FAM118A: variants seen among roughly 807,000 people sequenced by gnomAD.
FAM118A encodes SIR2 antiphage like 2, also known as protein FAM118A.
A neutral mutation model predicts 38.2 loss-of-function variants in FAM118A; 25 were observed. That is an observed-to-expected ratio of 0.65 (90% CI 0.48 to 0.91). The LOEUF (loss-of-function observed/expected upper bound fraction) is 0.91. Ranked by LOEUF, FAM118A falls within the 40% of genes least tolerant of loss-of-function variation. The probability of loss-of-function intolerance (pLI) is 0.00; values close to 1 mark genes in which losing one functional copy is unlikely to be tolerated. For synonymous variants in FAM118A, 178 were observed against 184.1 expected (o/e 0.97, Z 0.27); for missense variants, 425 against 463.3 (o/e 0.92, Z 0.76).
intron 5 of FAM118A, among the ~76,000 whole-genome samples, chr22:45,332,097 T>C (rs2085759670): frequency 6.6e-6 from 1 of 152,154 alleles, no homozygotes; most frequent in African/African-American, 2.4e-5. Context: ...ACTGCACTGG[T>C]GAGTGTGTGG....
chr22:45,313,686 C>T (rs2084478862), intron 1 of FAM118A, among the ~76,000 whole-genome samples: 1 of 152,148 alleles, frequency 6.6e-6, no homozygotes, highest in Admixed American at 6.5e-5. Flanking sequence ...GAAGAAAAAT[C>T]TACAGGACTT....
intron 2 of FAM118A, among the ~76,000 whole-genome samples, chr22:45,322,759 A>G (rs1010756061): frequency 1.9e-4 from 29 of 152,220 alleles, no homozygotes; most frequent in African/African-American, 6.8e-4. Context: ...ATAAAGAGGT[A>G]CTTACTGTTG....
At chr22:45,335,249 T>TGTTCCCAGTCCCTGCC in intron 6 of FAM118A, 101 bp from the exon 7 acceptor site, 1 of 1,378,846 alleles carries the variant, frequency 7.3e-7, no homozygotes, top group East Asian at 2.3e-5. Flanking sequence ...CCCAGAAGCC[T>TGTTCCCAGTCCCTGCC]GTTCCCAGTC....
At chr22:45,321,464 T>C (rs1450327069) in intron 1 of FAM118A, 1 of 152,136 alleles carries the variant, frequency 6.6e-6, no homozygotes, top group Non-Finnish European at 1.5e-5. Flanking sequence ...CAGGCTGGAG[T>C]GGAGTGGTGT....
intron 1 of FAM118A, among the ~76,000 whole-genome samples, chr22:45,312,154 G>A (rs2084397588): frequency 6.6e-6 from 1 of 152,144 alleles, no homozygotes; most frequent in Non-Finnish European, 1.5e-5. Flanking sequence ...TGTGAGGAGA[G>A]GTTTCTCCCT....
intron 1 of FAM118A, among the ~76,000 whole-genome samples, chr22:45,320,804 C>T (rs1483352442): frequency 6.6e-6 from 1 of 152,190 alleles, no homozygotes; most frequent in East Asian, 1.9e-4. Flanking sequence ...CTGCTGACCA[C>T]TTTTCTGGAA....
chr22:45,329,953 G>C (rs1278070651), intron 4 of FAM118A: 2 of 152,238 alleles, frequency 1.3e-5, no homozygotes, highest in East Asian at 1.9e-4. Flanking sequence ...TCTGTATCTT[G>C]ATAAGGTCCT....
chr22:45,327,526 C>G (rs1460836238), intron 3 of FAM118A, among the ~76,000 whole-genome samples: 1 of 152,152 alleles, frequency 6.6e-6, no homozygotes, highest in African/African-American at 2.4e-5. Context: ...ACATTCTCCA[C>G]GAGCCCTCAC....
chr22:45,338,643 G>T (rs1034622510), intron 8 of FAM118A, among the ~76,000 whole-genome samples: 1 of 152,248 alleles, frequency 6.6e-6, no homozygotes, highest in Non-Finnish European at 1.5e-5. Context: ...TGAAAACATT[G>T]AGAGAGGATT....
chr22:45,326,835 A>AG (rs2085305100), intron 3 of FAM118A, among the ~76,000 whole-genome samples: 1 of 139,216 alleles, frequency 7.2e-6, no homozygotes, highest in African/African-American at 2.7e-5. Context: ...AAAAAAAAAA[A>AG]AAAAAAAAAA....
At chr22:45,328,618 A>T in intron 4 of FAM118A, 1 of 587,312 alleles carries the variant, frequency 1.7e-6, no homozygotes, top group Non-Finnish European at 3.0e-6. Context: ...GTGACAGAGT[A>T]AGACCCTTTC....
In FAM118A at chr22:45,323,403, T is replaced by C; in HGVS notation, c.276T>C (p.His92=). 1 of 1,614,018 alleles carries C rather than the reference T, an allele frequency of 6.2e-7. No homozygotes were observed. Among genetic ancestry groups the C allele is most frequent in the Non-Finnish European group, 8.5e-7 (1 of 1,179,868 alleles). The change falls in exon 3 of 9, where the codon CAT becomes CAC. Residue 92 remains histidine, a synonymous_variant. Transcript: ENST00000441876. ...TKDRDLLVVA[H]DLIRKMSPRT... is the part of the protein sequence containing the mutation. ...ACCGGGACCTGTTGGTTGTCGCCCA[T>C]GATCTGATCCGGAAGATGTCACCTG...
rs777115530 is a variant in FAM118A, at chr22:45,335,378, A to G, written c.966A>G (p.Leu322=). The change falls in exon 7 of 9, where the codon TTA becomes TTG. Residue 322 remains leucine (L), a synonymous_variant. Coordinates refer to ENST00000441876, the MANE Select transcript of FAM118A (RefSeq NM_017911.4). ...CTGATCGCGTGGACAGCACCACATT[A>G]TTGGGTAAAGCAGATCTTTCTTCTT... ...PDADRVDSTT[L]LGNACQDCAK... 1.9e-6 allele frequency: 3 copies of G among 1,614,178 alleles called. No homozygotes were observed. Among genetic ancestry groups the G allele is most frequent in the South Asian group, 2.2e-5 (2 of 91,086 alleles).
chr22:45,322,177 C>T (rs773883546), intron 1 of FAM118A, 194 bp from the exon 2 acceptor site: 14 of 1,509,764 alleles, frequency 9.3e-6, no homozygotes, highest in Middle Eastern at 3.5e-4. Context: ...TGATGAGTCT[C>T]ATGAGATGAG....
At chr22:45,317,471 CAT>C (rs945989720) in intron 1 of FAM118A, among the ~76,000 whole-genome samples, 1 of 152,200 alleles carries the variant, frequency 6.6e-6, no homozygotes, top group African/African-American at 2.4e-5. Flanking sequence ...GTTAAGTGAA[CAT>C]ATAGCTTGTA....
chr22:45,332,412 T>G lies in FAM118A; in HGVS notation c.652-13T>G, dbSNP rs1048333080. The G allele has an allele frequency of 1.4e-5, 22 of 1,602,574 alleles. No individual in the cohort carries two copies. Among genetic ancestry groups the G allele is most frequent in the Non-Finnish European group, 1.9e-5 (22 of 1,174,954 alleles). On this transcript the variant is annotated splice_polypyrimidine_tract_variant and intron_variant, in intron 5 of 8. Transcript: ENST00000441876. ...TCAAATGAGCACTCAATTTCTTCAT[T>G]GGCCTTTTCTAGGAAGTCCTCCAGA...
chr22:45,322,091 C>A (rs1306127101), intron 1 of FAM118A: 19 of 1,009,010 alleles, frequency 1.9e-5, no homozygotes, highest in East Asian at 4.0e-5. Context: ...CCCACAGAGC[C>A]CATCCTTCAT....
At chr22:45,317,883 G>A (rs226490) in intron 1 of FAM118A, among the ~76,000 whole-genome samples, 135,764 of 152,146 alleles carry the variant, frequency 0.89, 60,727 homozygotes, top group African/African-American at 0.95. Flanking sequence ...CTTGCTTCCC[G>A]TTATCCCATT....
intron 1 of FAM118A, chr22:45,318,887 T>A (rs1328550037): frequency 1.3e-5 from 2 of 152,184 alleles, no homozygotes; most frequent in Non-Finnish European, 2.9e-5. Flanking sequence ...GACCTGCAGT[T>A]CAGGCTGAGA....
Sources: gnomAD v4.1 joint callset for allele counts (sites outside exome capture counted in the v4.1 genomes callset) on GRCh38, gnomAD v4.1.1 for gene constraint, MANE v1.5 for transcripts, NCBI Gene and HGNC (gene_info 2026-07-23, HGNC 2026-07-21) for gene names.